MED12L: variants seen among roughly 807,000 people sequenced by gnomAD.
The protein encoded by MED12L is mediator complex subunit 12L, also known as mediator of RNA polymerase II transcription subunit 12-like protein.
Under a neutral mutation model 281.3 loss-of-function variants are expected in MED12L, and 60 were observed. The ratio of observed to expected loss-of-function variants is 0.21; its 90% CI spans 0.17 to 0.26. MED12L has a LOEUF of 0.26. Ranked by LOEUF, MED12L falls within the 10% of genes least tolerant of loss-of-function variation. The pLI is 1.00. For synonymous variants in MED12L, 974 were observed against 987.2 expected (o/e 0.99, Z 0.25); for missense variants, 2,146 against 2,680.9 (o/e 0.80, Z 4.41).
chr3:151,435,021 T>C lies in MED12L; in HGVS notation c.*2217T>C, dbSNP rs1253522163. 1 of 151,966 alleles carries C rather than the reference T, an allele frequency of 6.6e-6. No homozygotes were observed. The highest frequency in any genetic ancestry group is 1.9e-4 in the East Asian group (1 of 5,194). The allele number at this position is 151,966 out of a possible 1,614,324, so 9.4% of individuals were successfully genotyped here. On this transcript the variant is annotated 3_prime_UTR_variant, in exon 45 of 45. Coordinates refer to ENST00000687756, the MANE Select transcript of MED12L (RefSeq NM_001393769.1). The stretch of plus-strand genomic sequence containing the variant: ...GAAAATAACTAGAATTACTTTAGTC[T>C]TCAGATTTTCTCCCTGTTAATTCTG...
At chr3:151,190,174 CTT>C (rs879731163) in intron 13 of MED12L, among the ~76,000 whole-genome samples, 77 of 144,090 alleles carry the variant, frequency 5.3e-4, no homozygotes, top group African/African-American at 1.6e-3. Context: ...GGACTACTAT[CTT>C]TTTTTTTTTT....
chr3:151,341,675 C>A, intron 16 of MED12L, among the ~76,000 whole-genome samples: 1 of 151,802 alleles, frequency 6.6e-6, no homozygotes, highest in Non-Finnish European at 1.5e-5. Context: ...GTGCTACACC[C>A]ATTAACTCGT....
chr3:151,238,838 A>G (rs190247732), intron 16 of MED12L, among the ~76,000 whole-genome samples: 20 of 152,362 alleles, frequency 1.3e-4, no homozygotes, highest in Admixed American at 9.2e-4. Context: ...ATGATTGTCT[A>G]GAGGAATGAA....
chr3:151,233,949 A>G (rs1732230517), intron 16 of MED12L, among the ~76,000 whole-genome samples: 1 of 152,210 alleles, frequency 6.6e-6, no homozygotes, highest in Non-Finnish European at 1.5e-5. Context: ...GCTATATGTA[A>G]TCTTTTAGGA....
At position 151,432,833 on chromosome 3, in the gene MED12L, T is replaced by A. The variant is rs749921486; in HGVS notation, c.*29T>A. 6 of 1,586,774 alleles carry A rather than the reference T, an allele frequency of 3.8e-6. No homozygotes were observed. The highest frequency in any genetic ancestry group is 1.7e-5 in the Admixed American group (1 of 59,128). ...TGCAAGAGGAGAAGACATGACGTTTTATGTTTGCACTGAAAAACAGAAAAT... is the reference window on the plus strand; with the variant it reads ...TGCAAGAGGAGAAGACATGACGTTTAATGTTTGCACTGAAAAACAGAAAAT... On this transcript the variant is annotated 3_prime_UTR_variant, in exon 45 of 45. Transcript: ENST00000687756.
intron 37 of MED12L, among the ~76,000 whole-genome samples, 172 bp downstream of exon 37, chr3:151,388,344 C>T (rs943495094): frequency 6.6e-6 from 1 of 152,118 alleles, no homozygotes; most frequent in Non-Finnish European, 1.5e-5. Flanking sequence ...TTGTCACAGA[C>T]AAAAGATTAA....
chr3:151,137,019 G>A lies in MED12L; in HGVS notation c.556+9035G>A, dbSNP rs1418215166. On this transcript the variant is annotated intron_variant, in intron 5 of 44. Transcript: ENST00000687756. The stretch of plus-strand genomic sequence containing the variant: ...TCTACTAAAAATACAAAAATTAACT[G>A]GGCATGGCGGCATGTGCCTGTAATC... 3.9e-5 allele frequency among the ~76,000 whole-genome samples: 6 copies of A among 152,048 alleles called. No individual in the cohort carries two copies. In the East Asian group the frequency reaches 1.2e-3, roughly 30 times the overall value.
intron 16 of MED12L, among the ~76,000 whole-genome samples, chr3:151,209,374 A>G (rs1172940638): frequency 2.0e-5 from 3 of 152,200 alleles, no homozygotes; most frequent in African/African-American, 4.8e-5. Flanking sequence ...ATCATTTTGT[A>G]CAAGCAGTAC....
chr3:151,248,937 G>A (rs144473533), intron 16 of MED12L: 37 of 152,308 alleles, frequency 2.4e-4, no homozygotes, highest in African/African-American at 7.9e-4. Flanking sequence ...TTGATGTTGA[G>A]GGAAATAGAT....
intron 43 of MED12L, among the ~76,000 whole-genome samples, chr3:151,418,173 C>T (rs1717839337): frequency 6.6e-6 from 1 of 152,154 alleles, no homozygotes; most frequent in Non-Finnish European, 1.5e-5. Flanking sequence ...CTCTTTCACT[C>T]CCCCCACCTA....
In MED12L at chr3:151,385,038, A is replaced by C; in HGVS notation, c.4935A>C (p.Leu1645=). ...MNLVKKLKKE[L]GDKRSESIDK... ...CTCTCTTTTTTCTTTAGAAAGAGCTAGGAGACAAGCGATCAGAAAGTATTG... is the reference window on the plus strand; with the variant it reads ...CTCTCTTTTTTCTTTAGAAAGAGCTCGGAGACAAGCGATCAGAAAGTATTG... Residue 1645 remains leucine (L), a synonymous_variant, in exon 36 of 45, where the codon CTA becomes CTC. Transcript: ENST00000687756. The C allele has an allele frequency of 2.7e-6, 4 of 1,500,524 alleles. No homozygotes were observed. Among genetic ancestry groups the C allele is most frequent in the African/African-American group, 1.4e-5 (1 of 72,626 alleles). 93.0% of individuals were successfully genotyped at this position (1,500,524 alleles called of 1,614,324 possible). A position where few individuals can be genotyped will look rare whatever the true frequency, so the allele number is the denominator to read the frequency against.
At chr3:151,372,861 C>T (rs1286560362) in intron 27 of MED12L, 95 bp downstream of exon 27, 1 of 844,568 alleles carries the variant, frequency 1.2e-6, no homozygotes, top group South Asian at 2.0e-5. Flanking sequence ...ATAGGTGGGC[C>T]TTTTTTTCTT....
intron 11 of MED12L, among the ~76,000 whole-genome samples, chr3:151,171,977 A>G (rs1721488426): frequency 6.6e-6 from 1 of 151,994 alleles, no homozygotes; most frequent in Non-Finnish European, 1.5e-5. Context: ...CATTTTTTAG[A>G]CCTCATTAAA....
At chr3:151,414,241 C>G (rs1212765096) in intron 42 of MED12L, among the ~76,000 whole-genome samples, 1 of 152,206 alleles carries the variant, frequency 6.6e-6, no homozygotes, top group Non-Finnish European at 1.5e-5. Context: ...TATTAACAAG[C>G]TTGTCCTATG....
At chr3:151,223,514 A>G (rs1425582126) in intron 16 of MED12L, among the ~76,000 whole-genome samples, 1 of 152,248 alleles carries the variant, frequency 6.6e-6, no homozygotes, top group African/African-American at 2.4e-5. Context: ...GCAGCCATAC[A>G]AAAGAAATCA....
At chr3:151,214,220 A>G (rs772507823) in intron 16 of MED12L, 23 of 1,614,104 alleles carry the variant, frequency 1.4e-5, no homozygotes, top group Non-Finnish European at 1.9e-5. Flanking sequence ...CCTGCAATGA[A>G]GACCATACAG....
chr3:151,328,663 G>T (rs748750804), intron 16 of MED12L: 1 of 1,613,778 alleles, frequency 6.2e-7, no homozygotes. Context: ...CTAACAGCAC[G>T]ATGCCCACAT....
chr3:151,403,841 T>C (rs1715986077), intron 39 of MED12L, among the ~76,000 whole-genome samples: 1 of 152,230 alleles, frequency 6.6e-6, no homozygotes, highest in Non-Finnish European at 1.5e-5. Flanking sequence ...TATTTAATAC[T>C]TGTTGTATAA....
chr3:151,109,746 G>C (rs1360909272), intron 2 of MED12L, among the ~76,000 whole-genome samples: 1 of 152,174 alleles, frequency 6.6e-6, no homozygotes, highest in Admixed American at 6.5e-5. Flanking sequence ...AGTATGTCTG[G>C]ATTCATGGTC....
Sources: gnomAD v4.1 joint callset for allele counts (sites outside exome capture counted in the v4.1 genomes callset) on GRCh38, gnomAD v4.1.1 for gene constraint, MANE v1.5 for transcripts, NCBI Gene and HGNC (gene_info 2026-07-23, HGNC 2026-07-21) for gene names.